SCHIP1: variants seen among roughly 807,000 people sequenced by gnomAD.
The protein encoded by SCHIP1 is schwannomin interacting protein 1.
A neutral mutation model predicts 29.7 loss-of-function variants in SCHIP1; 8 were observed. The observed-to-expected ratio is 0.27, with a 90% confidence interval of 0.16 to 0.49. The LOEUF is 0.49. Among genes scored for constraint, SCHIP1 ranks in the 20% least tolerant of loss-of-function variants. The pLI, the probability that SCHIP1 is intolerant of heterozygous loss-of-function variation, is 0.99. For synonymous variants in SCHIP1, 76 were observed against 94.9 expected, an observed-to-expected ratio of 0.80 and a Z score of 1.16; for missense variants, 193 against 294.6, an observed-to-expected ratio of 0.66 and a Z score of 2.52.
chr3:159,768,352 G>A, the SCHIP1 span: 2 of 152,132 alleles, frequency 1.3e-5, no homozygotes, highest in Admixed American at 6.6e-5. Context: ...TTGTTTCAAT[G>A]ACATACTATT....
the SCHIP1 span, among the ~76,000 whole-genome samples, chr3:159,344,483 T>C: frequency 2.0e-5 from 3 of 152,182 alleles, no homozygotes; most frequent in Admixed American, 6.5e-5. Flanking sequence ...TATTTACTCT[T>C]AACATGATGA....
At chr3:159,604,958 C>G in the SCHIP1 span, among the ~76,000 whole-genome samples, 1 of 152,312 alleles carries the variant, frequency 6.6e-6, no homozygotes, top group South Asian at 2.1e-4. Context: ...CTAATTGACC[C>G]AGGAAATTTT....
chr3:159,344,251 G>A, the SCHIP1 span, among the ~76,000 whole-genome samples: 1 of 151,704 alleles, frequency 6.6e-6, no homozygotes, highest in African/African-American at 2.4e-5. Context: ...AACCCAGGGG[G>A]CGGAGGTTGC....
At chr3:159,421,555 G>A in the SCHIP1 span, among the ~76,000 whole-genome samples, 1 of 152,226 alleles carries the variant, frequency 6.6e-6, no homozygotes, top group East Asian at 1.9e-4. Context: ...GGTGCAACAT[G>A]TGTGTAGCAA....
chr3:159,564,458 C>T, the SCHIP1 span, among the ~76,000 whole-genome samples: 1,199 of 152,134 alleles, frequency 7.9e-3, 12 homozygotes, highest in African/African-American at 0.027. Flanking sequence ...CTCACTGCAA[C>T]CTCTGCCTCC....
At chr3:159,750,401 C>T in the SCHIP1 span, among the ~76,000 whole-genome samples, 15 of 151,160 alleles carry the variant, frequency 9.9e-5, no homozygotes, top group East Asian at 2.9e-3. Context: ...AGGGGTATAG[C>T]CAAATATATT....
chr3:159,611,920 T>G, the SCHIP1 span, among the ~76,000 whole-genome samples: 3 of 152,080 alleles, frequency 2.0e-5, no homozygotes, highest in Admixed American at 1.3e-4. Flanking sequence ...TGTGTATTTC[T>G]CAATCTCCCT....
the SCHIP1 span, among the ~76,000 whole-genome samples, chr3:159,514,423 C>T: frequency 6.6e-6 from 1 of 152,222 alleles, no homozygotes; most frequent in East Asian, 1.9e-4. Context: ...TAACAAGCTT[C>T]AGTTCCATGC....
At chr3:159,711,616 C>T in the SCHIP1 span, among the ~76,000 whole-genome samples, 2 of 152,064 alleles carry the variant, frequency 1.3e-5, no homozygotes, top group African/African-American at 4.8e-5. Context: ...AACCTAGAGC[C>T]TATTGCTCAT....
the SCHIP1 span, among the ~76,000 whole-genome samples, chr3:159,704,550 G>GA: frequency 1.3e-5 from 2 of 151,012 alleles, no homozygotes; most frequent in African/African-American, 4.9e-5. Context: ...AAGGAAAGTA[G>GA]AAAAGCAAAC....
chr3:159,402,100 C>T, the SCHIP1 span, among the ~76,000 whole-genome samples: 5 of 151,936 alleles, frequency 3.3e-5, no homozygotes, highest in African/African-American at 7.3e-5. Flanking sequence ...AACAAACAAC[C>T]CCATCAAAAA....
intron 1 of SCHIP1, among the ~76,000 whole-genome samples, chr3:159,857,988 G>A (rs9829527): frequency 0.045 from 6,895 of 152,066 alleles, 472 homozygotes; most frequent in African/African-American, 0.15. Flanking sequence ...CACCTCCCCC[G>A]GATCCTAGGT....
the SCHIP1 span, among the ~76,000 whole-genome samples, chr3:159,805,000 G>A: frequency 6.6e-6 from 1 of 152,128 alleles, no homozygotes; most frequent in Non-Finnish European, 1.5e-5. Flanking sequence ...TATTTTCCCA[G>A]TCATCCTCAG....
At chr3:159,580,540 T>C in the SCHIP1 span, among the ~76,000 whole-genome samples, 1 of 152,220 alleles carries the variant, frequency 6.6e-6, no homozygotes, top group African/African-American at 2.4e-5. Context: ...TTGAAATGTC[T>C]CATAAAATAT....
intron 5 of SCHIP1, among the ~76,000 whole-genome samples, chr3:159,891,396 G>A (rs1401358908): frequency 6.6e-6 from 1 of 151,680 alleles, no homozygotes; most frequent in African/African-American, 2.4e-5. Context: ...AAGGAAGGAA[G>A]GGAGGGAGGG....
chr3:159,405,056 T>C, the SCHIP1 span, among the ~76,000 whole-genome samples: 2 of 152,156 alleles, frequency 1.3e-5, no homozygotes, highest in Non-Finnish European at 2.9e-5. Flanking sequence ...TGTGAGTCTG[T>C]AGGAGCCACT....
At chr3:159,451,490 A>G in the SCHIP1 span, among the ~76,000 whole-genome samples, 1 of 152,262 alleles carries the variant, frequency 6.6e-6, no homozygotes, top group Non-Finnish European at 1.5e-5. Context: ...ACAGTCAATT[A>G]GAAAAACATG....
chr3:159,642,230 G>A, the SCHIP1 span, among the ~76,000 whole-genome samples: 1 of 152,114 alleles, frequency 6.6e-6, no homozygotes, highest in Non-Finnish European at 1.5e-5. Context: ...TTTCAGTGTA[G>A]TAATATTAGT....
the SCHIP1 span, among the ~76,000 whole-genome samples, chr3:159,556,277 G>A: frequency 1.3e-5 from 2 of 152,086 alleles, no homozygotes; most frequent in Non-Finnish European, 1.5e-5. Flanking sequence ...AACAGGTGCT[G>A]GAGAGGATGT....
Sources: allele counts gnomAD v4.1 joint callset (sites outside exome capture counted in the v4.1 genomes callset), GRCh38; gene constraint gnomAD v4.1.1; transcripts MANE v1.5; gene names NCBI Gene and HGNC (gene_info 2026-07-23, HGNC 2026-07-21).